Variants in SIM2 observed in about 807,000 individuals in gnomAD.
SIM2 encodes single-minded homolog 2.
A neutral mutation model predicts 64.8 loss-of-function variants in SIM2; 28 were observed. The observed-to-expected ratio is 0.43, with a 90% CI of 0.32 to 0.59. The LOEUF (loss-of-function observed/expected upper bound fraction) is 0.59. Among genes scored for constraint, SIM2 ranks in the 20% least tolerant of loss-of-function variants. SIM2 has a pLI of 0.07. For missense variants in SIM2, 847 were observed against 871.4 expected, an observed-to-expected ratio of 0.97 and a Z score of 0.35; for synonymous variants, 408 against 391.1, an observed-to-expected ratio of 1.04 and a Z score of -0.51.
Position 36,719,911 on chromosome 21 carries a change from C to T in SIM2, c.439C>T (p.His147Tyr). The T allele has an allele frequency of 1.9e-6, 3 of 1,605,362 alleles. No homozygotes were observed. The highest frequency in any genetic ancestry group is 2.6e-6 in the Non-Finnish European group (3 of 1,172,610). Residue 147 changes from histidine to tyrosine, a missense_variant, in exon 4 of 11, where the codon CAC becomes TAC. Coordinates refer to ENST00000290399, the MANE Select transcript of SIM2 (RefSeq NM_005069.6). ...TGTCCTCACGGCCCACCAGCCGCTG[C>T]ACCACCACCTGCTCCAAGGTATTCC... ...TAVLTAHQPL[H>Y]HHLLQEYEIE...
At chr21:36,732,823 T>C (rs1413562191) in intron 7 of SIM2, among the ~76,000 whole-genome samples, 1 of 152,204 alleles carries the variant, frequency 6.6e-6, no homozygotes, top group Non-Finnish European at 1.5e-5. Flanking sequence ...GGTGTGTCAA[T>C]TCTAGAATCA....
At chr21:36,730,243 G>C (rs1479933743) in intron 6 of SIM2, among the ~76,000 whole-genome samples, 1 of 152,224 alleles carries the variant, frequency 6.6e-6, no homozygotes, top group Non-Finnish European at 1.5e-5. Context: ...CACAGACAGA[G>C]GGATGGAGGA....
At chr21:36,709,411 T>C (rs1568926029) in intron 2 of SIM2, 161 bp downstream of exon 2, 1 of 717,866 alleles carries the variant, frequency 1.4e-6, no homozygotes, top group Non-Finnish European at 2.5e-6. Flanking sequence ...GATGGACGCT[T>C]AGCATGTCGG....
Position 36,745,184 on chromosome 21 carries a change from G to C in SIM2, c.1576+48G>C, listed in dbSNP as rs201454422. The C allele has an allele frequency of 6.4e-7, 1 of 1,560,870 alleles. No homozygotes were observed. Among genetic ancestry groups the C allele is most frequent in the Non-Finnish European group, 8.7e-7 (1 of 1,153,026 alleles). On this transcript the variant is annotated intron_variant, in intron 10 of 10. Transcript: ENST00000290399. The surrounding 1 kb of genome is among the most constrained non-coding windows in gnomAD (Gnocchi z 4.8). ...GAAGGTGGGAGGACTGCGCACGGCCGGGAGCCGAAGCAGCCATGGCGGTGG... is the reference window on the plus strand; with the variant it reads ...GAAGGTGGGAGGACTGCGCACGGCCCGGAGCCGAAGCAGCCATGGCGGTGG...
At position 36,726,392 on chromosome 21, in the gene SIM2, TGCCATCTTG is replaced by T; in HGVS notation, c.743+79_743+87del. ...GTGGTGGAAATGGGTCCCTGAAAGCTGCCATCTTGGCCAAATCATAACAAGGAATAAGTC... is the reference window on the plus strand; with the variant it reads ...GTGGTGGAAATGGGTCCCTGAAAGCTGCCAAATCATAACAAGGAATAAGTC... On this transcript the variant is annotated intron_variant, in intron 6 of 10. Coordinates refer to ENST00000290399, the MANE Select transcript of SIM2 (RefSeq NM_005069.6). This position sits in a 1 kb window ranked among gnomAD's most constrained non-coding sequence, Gnocchi z 4.5. 1 of 1,380,050 alleles carries T rather than the reference TGCCATCTTG, an allele frequency of 7.2e-7. No homozygotes were observed. The highest frequency in any genetic ancestry group is 1.2e-5 in the South Asian group (1 of 80,400). 85.5% of individuals were successfully genotyped at this position (1,380,050 alleles called of 1,614,324 possible).
chr21:36,719,775 A>T (rs373817486), intron 3 of SIM2, 46 bp from the exon 4 acceptor site: 1 of 1,208,624 alleles, frequency 8.3e-7, no homozygotes, highest in Non-Finnish European at 1.2e-6. Context: ...CCCTGCGCCA[A>T]TCCCAGAGAG....
intron 9 of SIM2, 84 bp downstream of exon 9, chr21:36,743,639 C>A: frequency 7.7e-7 from 1 of 1,291,402 alleles, no homozygotes; most frequent in East Asian, 2.4e-5. Flanking sequence ...GAATGGGGAG[C>A]CTCTCATTGC....
At chr21:36,732,008 A>G (rs1324505736) in intron 7 of SIM2, among the ~76,000 whole-genome samples, 2 of 152,076 alleles carry the variant, frequency 1.3e-5, no homozygotes, top group Non-Finnish European at 1.5e-5. Context: ...TCAGCCTCCC[A>G]AGTAGCTGGG....
At chr21:36,722,055 G>A (rs375771011) in intron 4 of SIM2, among the ~76,000 whole-genome samples, 1 of 152,142 alleles carries the variant, frequency 6.6e-6, no homozygotes. Context: ...CTGACTTTCC[G>A]TGTCTGAAAT....
chr21:36,709,240 A>G lies in SIM2; in HGVS notation c.248A>G (p.His83Arg), dbSNP rs755375895. 1.9e-6 allele frequency: 3 copies of G among 1,605,206 alleles called. No homozygotes were observed. The African/African-American group carries it at 4.0e-5, about 21-fold the overall frequency. ...GGCGTCGCCAAGGAGCTGGGATCGC[A>G]CTTGCTGCAGGTAGAGCGGCCTCGC... ...LDGVAKELGS[H>R]LLQTLDGFVF... The change falls in exon 2 of 11, where the codon CAC (histidine) becomes CGC (arginine). Residue 83 changes from histidine (H) to arginine (R), a missense_variant. Physicochemically the swap from His to Arg is conservative, Grantham distance 29 (BLOSUM62 0). Coordinates refer to ENST00000290399, the MANE Select transcript of SIM2 (RefSeq NM_005069.6).
At chr21:36,706,757 G>T (rs2088589902) in intron 1 of SIM2, among the ~76,000 whole-genome samples, 1 of 152,214 alleles carries the variant, frequency 6.6e-6, no homozygotes, top group South Asian at 2.1e-4. Context: ...AGGCAGGGGT[G>T]CTTGGGAGGA....
Position 36,730,244 on chromosome 21 carries a change from G to A in SIM2, c.744-801G>A, listed in dbSNP as rs186191519. Among the ~76,000 whole-genome samples, 75 of 152,346 alleles carry A rather than the reference G, an allele frequency of 4.9e-4. No homozygotes were observed. In the East Asian group the frequency reaches 0.014, roughly 28 times the overall value. On this transcript the variant is annotated intron_variant, in intron 6 of 10. Coordinates refer to ENST00000290399, the MANE Select transcript of SIM2 (RefSeq NM_005069.6). ...TGCAAACAACTGTCCACAGACAGAG[G>A]GATGGAGGAACCAAATGTGGTGTCT...
At chr21:36,740,027 GAAAGAAAGAA>G (rs1568940128) in intron 7 of SIM2, among the ~76,000 whole-genome samples, 1 of 129,238 alleles carries the variant, frequency 7.7e-6, no homozygotes, top group Non-Finnish European at 1.8e-5. Context: ...AAGAAAGAAA[GAAAGAAAGAA>G]AGAAAGAAAG....
At position 36,743,389 on chromosome 21, in the gene SIM2, A is replaced by G. The variant is rs760284642; in HGVS notation, c.1001A>G (p.Glu334Gly). 6.2e-7 allele frequency: 1 copy of G among 1,610,714 alleles called. No individual in the cohort carries two copies. Among genetic ancestry groups the G allele is most frequent in the Non-Finnish European group, 8.5e-7 (1 of 1,178,808 alleles). Residue 334 changes from glutamate to glycine, a missense_variant and splice_region_variant, in exon 9 of 11, where the codon GAG becomes GGG. This residue lies in a region of SIM2 where 3 missense variants were observed against 17.6 expected (regional missense o/e 0.17). Coordinates refer to ENST00000290399, the MANE Select transcript of SIM2 (RefSeq NM_005069.6). Reference sequence around the variant, plus strand: ...CTCGGCCCACTCTCGCCTTCCAGGGAGATTGAATACAAGGAACTTCAGCTG... The same window carrying G: ...CTCGGCCCACTCTCGCCTTCCAGGGGGATTGAATACAAGGAACTTCAGCTG... ...CIVSVNYVLT[E>G]IEYKELQLSL... is the part of the protein sequence containing the mutation.
chr21:36,741,666 G>A, intron 7 of SIM2, 51 bp from the exon 8 acceptor site: 1 of 1,599,516 alleles, frequency 6.3e-7, no homozygotes, highest in Non-Finnish European at 8.5e-7. Flanking sequence ...CAGCATCCCA[G>A]AGGTGGGGCC....
chr21:36,712,712 G>A, intron 3 of SIM2, 90 bp downstream of exon 3: 8 of 828,744 alleles, frequency 9.7e-6, no homozygotes, highest in Non-Finnish European at 1.4e-5. Context: ...AAATGAGTCT[G>A]TTTAAGTGTT....
At chr21:36,710,719 T>C (rs1307554955) in intron 2 of SIM2, 1 of 152,108 alleles carries the variant, frequency 6.6e-6, no homozygotes, top group Non-Finnish European at 1.5e-5. Flanking sequence ...TGCCCTGGTG[T>C]GGTTTATTTT....
chr21:36,727,522 C>T (rs778360687), intron 6 of SIM2, among the ~76,000 whole-genome samples: 1 of 152,174 alleles, frequency 6.6e-6, no homozygotes, highest in African/African-American at 2.4e-5. Context: ...AAAACAGCAG[C>T]GCAGCCTGCC....
chr21:36,723,122 G>A lies in SIM2; in HGVS notation c.535G>A (p.Gly179Arg), dbSNP rs767211557. ...AKRNAGLTCS[G>R]YKVIHCSGYL... The stretch of plus-strand genomic sequence containing the variant: ...AAGGAACGCGGGCCTGACCTGCAGC[G>A]GATACAAGGTACGGGGAGTCATGGG... The change falls in exon 5 of 11, where the codon GGA (glycine) becomes AGA (arginine). Residue 179 changes from glycine (G) to arginine (R), a missense_variant. By Grantham distance (125) the Gly-to-Arg change is moderately radical (BLOSUM62 -2). Coordinates refer to ENST00000290399, the MANE Select transcript of SIM2 (RefSeq NM_005069.6). 8.1e-6 allele frequency: 13 copies of A among 1,613,852 alleles called. No individual in the cohort carries two copies. Among genetic ancestry groups the A allele is most frequent in the Admixed American group, 1.7e-5 (1 of 60,002 alleles).
Sources: gnomAD v4.1 joint callset for allele counts (sites outside exome capture counted in the v4.1 genomes callset) on GRCh38, gnomAD v4.1.1 for gene constraint, gnomAD v4.1.1 regional missense constraint, Gnocchi (gnomAD v3.1) non-coding constraint, MANE v1.5 for transcripts, NCBI Gene and HGNC (gene_info 2026-07-23, HGNC 2026-07-21) for gene names.